The following GRHL2 variants were observed in gnomAD, a reference collection of about 807,000 sequenced individuals.
GRHL2 encodes the protein grainyhead like transcription factor 2, also known as grainyhead-like protein 2 homolog.
Under a neutral mutation model 83.8 loss-of-function variants are expected in GRHL2, and 21 were observed. That is an observed-to-expected ratio of 0.25 (90% CI 0.18 to 0.36). The LOEUF is 0.36. Ranked by LOEUF, GRHL2 falls within the 10% of genes least tolerant of loss-of-function variation. GRHL2 has a pLI of 1.00. For missense variants in GRHL2, 623 were observed against 781.8 expected, an observed-to-expected ratio of 0.80 and a Z score of 2.42; for synonymous variants, 280 against 278.9, an observed-to-expected ratio of 1.00 and a Z score of -0.04.
At chr8:101,634,297 C>T (rs1368689866) in intron 11 of GRHL2, among the ~76,000 whole-genome samples, 1 of 152,178 alleles carries the variant, frequency 6.6e-6, no homozygotes, top group Non-Finnish European at 1.5e-5. Context: ...CTAGAACAAC[C>T]TGTGACTATC....
intron 3 of GRHL2, among the ~76,000 whole-genome samples, chr8:101,556,209 GGCCTCCCAA>G (rs1811486595): frequency 6.6e-6 from 1 of 152,018 alleles, no homozygotes; most frequent in Non-Finnish European, 1.5e-5. Context: ...CACCCACCTC[GGCCTCCCAA>G]AGTGCTGGGA....
intron 4 of GRHL2, among the ~76,000 whole-genome samples, chr8:101,563,920 A>G (rs987527751): frequency 1.3e-5 from 2 of 152,224 alleles, no homozygotes; most frequent in Non-Finnish European, 2.9e-5. Flanking sequence ...CACACAGTGT[A>G]GAAATATTCC....
At chr8:101,678,447 C>T in the GRHL2 span, among the ~76,000 whole-genome samples, 2 of 152,060 alleles carry the variant, frequency 1.3e-5, no homozygotes, top group African/African-American at 2.4e-5. Context: ...CACGGAGTCT[C>T]GCTGATTGCT....
At chr8:101,504,446 A>G (rs562723188) in intron 1 of GRHL2, among the ~76,000 whole-genome samples, 5 of 152,302 alleles carry the variant, frequency 3.3e-5, no homozygotes, top group African/African-American at 1.2e-4. Flanking sequence ...AGTGGGCTGC[A>G]TGTGCCTATG....
intron 7 of GRHL2, among the ~76,000 whole-genome samples, chr8:101,585,710 T>G (rs1484665217): frequency 6.6e-6 from 1 of 152,232 alleles, no homozygotes; most frequent in Non-Finnish European, 1.5e-5. Flanking sequence ...AACAGTTATG[T>G]GATAAAAGTA....
intron 7 of GRHL2, among the ~76,000 whole-genome samples, chr8:101,579,678 G>C (rs10481052): frequency 0.12 from 18,334 of 152,142 alleles, 2,179 homozygotes; most frequent in African/African-American, 0.3. Context: ...TCTTCTGCTA[G>C]ATTAAAAAAA....
intron 14 of GRHL2, among the ~76,000 whole-genome samples, chr8:101,660,000 T>G (rs1166889970): frequency 6.6e-6 from 1 of 152,224 alleles, no homozygotes; most frequent in Non-Finnish European, 1.5e-5. Flanking sequence ...TGGAAACTTT[T>G]TTTTTTACCT....
intron 2 of GRHL2, 108 bp downstream of exon 2, chr8:101,543,544 TC>T: frequency 9.9e-7 from 1 of 1,011,092 alleles, no homozygotes; most frequent in Non-Finnish European, 1.5e-6. Flanking sequence ...TAATAGCATT[TC>T]CAAAGTCAAT....
intron 8 of GRHL2, among the ~76,000 whole-genome samples, chr8:101,611,534 A>G (rs917097568): frequency 2.0e-5 from 3 of 150,510 alleles, no homozygotes; most frequent in African/African-American, 5.0e-5. Context: ...CTTCTTCTCC[A>G]TCTCCTTGAC....
In GRHL2 at chr8:101,571,723, T is replaced by C. The variant is rs148231847; in HGVS notation, c.734+1329T>C. On this transcript the variant is annotated intron_variant, in intron 5 of 15. Transcript: ENST00000646743. Reference sequence around the variant, plus strand: ...CCTTTTCCATTCTCCTGGTTTCCTCTTAAAGTCCTCTGGTTCCAATCTCAG... The same window carrying C: ...CCTTTTCCATTCTCCTGGTTTCCTCCTAAAGTCCTCTGGTTCCAATCTCAG... 2.1e-3 allele frequency among the ~76,000 whole-genome samples: 318 copies of C among 152,286 alleles called. 2 individuals are homozygous for C. The highest frequency in any genetic ancestry group is 6.6e-3 in the African/African-American group (273 of 41,556).
At chr8:101,537,599 A>G (rs1407412447) in intron 1 of GRHL2, among the ~76,000 whole-genome samples, 1 of 152,238 alleles carries the variant, frequency 6.6e-6, no homozygotes, top group South Asian at 2.1e-4. Context: ...AAGCACTTCA[A>G]ATGTAAATAT....
chr8:101,671,989 G>A (rs578157228), downstream of GRHL2, among the ~76,000 whole-genome samples: 26 of 152,170 alleles, frequency 1.7e-4, 1 homozygote, highest in Admixed American at 1.0e-3. Flanking sequence ...CTGCAGCTGA[G>A]GGTCCTATCT....
intron 1 of GRHL2, among the ~76,000 whole-genome samples, chr8:101,509,634 T>G (rs1295677831): frequency 6.6e-6 from 1 of 152,172 alleles, no homozygotes; most frequent in Non-Finnish European, 1.5e-5. Context: ...GGTTAGCCTT[T>G]TAGATATATA....
chr8:101,638,749 GAT>G (rs2129645234), intron 12 of GRHL2, among the ~76,000 whole-genome samples: 1 of 152,270 alleles, frequency 6.6e-6, no homozygotes, highest in East Asian at 1.9e-4. Flanking sequence ...TTGGCACATA[GAT>G]AATACATTCC....
At chr8:101,517,669 A>T (rs1227087679) in intron 1 of GRHL2, among the ~76,000 whole-genome samples, 1 of 152,246 alleles carries the variant, frequency 6.6e-6, no homozygotes, top group African/African-American at 2.4e-5. Flanking sequence ...GCTTTCATAG[A>T]GCATCAGACA....
chr8:101,600,071 G>A (rs6468780), intron 8 of GRHL2, among the ~76,000 whole-genome samples: 5 of 152,138 alleles, frequency 3.3e-5, no homozygotes, highest in African/African-American at 1.2e-4. Context: ...CTGCGAGCAG[G>A]GGGAAGGCTG....
chr8:101,533,170 T>A (rs1471833424), intron 1 of GRHL2, among the ~76,000 whole-genome samples: 5 of 152,022 alleles, frequency 3.3e-5, no homozygotes, highest in Non-Finnish European at 5.9e-5. Context: ...AGGGGAGAGT[T>A]AAGAGGGAGG....
chr8:101,626,861 G>C (rs1813091527), intron 9 of GRHL2, among the ~76,000 whole-genome samples: 1 of 152,076 alleles, frequency 6.6e-6, no homozygotes, highest in African/African-American at 2.4e-5. Flanking sequence ...TCTTGCTCAA[G>C]GAATGTTTTC....
intron 2 of GRHL2, among the ~76,000 whole-genome samples, chr8:101,550,299 A>G (rs1811352858): frequency 6.6e-6 from 1 of 151,994 alleles, no homozygotes; most frequent in Non-Finnish European, 1.5e-5. Context: ...TGTGCCCAGC[A>G]CCCAGGTAGT....
Sources: allele counts gnomAD v4.1 joint callset (sites outside exome capture counted in the v4.1 genomes callset), GRCh38; gene constraint gnomAD v4.1.1; transcripts MANE v1.5; gene names NCBI Gene and HGNC (gene_info 2026-07-23, HGNC 2026-07-21).